Variants in CLCA1 observed in about 807,000 individuals in gnomAD.
CLCA1 encodes calcium-activated chloride channel regulator 1.
CLCA1 carries 59 observed loss-of-function variants against 85.6 expected under a neutral mutation model. That is an observed-to-expected ratio of 0.69 (90% CI 0.56 to 0.86). The LOEUF (loss-of-function observed/expected upper bound fraction) is 0.86, where lower values mean the gene tolerates loss of function less well. Ranked by LOEUF, CLCA1 falls within the 40% of genes least tolerant of loss-of-function variation. The pLI, the probability that CLCA1 is intolerant of heterozygous loss-of-function variation, is 0.00. For missense variants in CLCA1, 1,022 were observed against 1,101.4 expected (o/e 0.93, Z 1.02); for synonymous variants, 396 against 398.3 (o/e 0.99, Z 0.07).
intron 1 of CLCA1, among the ~76,000 whole-genome samples, chr1:86,470,267 G>A (rs951403999): frequency 2.0e-5 from 3 of 152,142 alleles, no homozygotes; most frequent in Non-Finnish European, 4.4e-5. Flanking sequence ...CAGAGTGGAG[G>A]GTGTCACTCA....
intron 3 of CLCA1, among the ~76,000 whole-genome samples, chr1:86,475,075 G>A (rs1434290283): frequency 6.6e-6 from 1 of 151,964 alleles, no homozygotes; most frequent in Non-Finnish European, 1.5e-5. Flanking sequence ...TCCATAACAG[G>A]AACAGAACAT....
chr1:86,492,971 CT>C (rs1172640179), intron 9 of CLCA1, among the ~76,000 whole-genome samples: 1 of 152,072 alleles, frequency 6.6e-6, no homozygotes, highest in Non-Finnish European at 1.5e-5. Flanking sequence ...TTTTTTACAA[CT>C]GGTAAATGAG....
At chr1:86,474,690 T>A (rs577892247) in intron 3 of CLCA1, among the ~76,000 whole-genome samples, 1 of 152,236 alleles carries the variant, frequency 6.6e-6, no homozygotes, top group African/African-American at 2.4e-5. Flanking sequence ...ACAGAATACC[T>A]TTGCAATTCA....
In CLCA1 at chr1:86,494,246, G is replaced by T; in HGVS notation, c.1740G>T (p.Thr580=). Residue 580 remains threonine (T), a synonymous_variant, in exon 11 of 14, where the codon ACG becomes ACT. Coordinates refer to ENST00000394711, the MANE Select transcript of CLCA1 (RefSeq NM_001285.4). ...CACAAACCTTGACCCTGACTGTCAC[G>T]TCCCGTGCGTCCAATGCTACCCTGC... ...ASSQTLTLTV[T]SRASNATLPP... 3 of 1,614,162 alleles carry T rather than the reference G, an allele frequency of 1.9e-6. No homozygotes were observed. Among genetic ancestry groups the T allele is most frequent in the South Asian group, 1.1e-5 (1 of 91,076 alleles).
chr1:86,500,141 G>A lies in CLCA1; in HGVS notation c.*96G>A, dbSNP rs962448852. 5 of 729,080 alleles carry A rather than the reference G, an allele frequency of 6.9e-6. No homozygotes were observed. The highest frequency in any genetic ancestry group is 1.9e-5 in the South Asian group (1 of 51,826). 45.2% of individuals were successfully genotyped at this position (729,080 alleles called of 1,614,324 possible). On this transcript the variant is annotated 3_prime_UTR_variant, in exon 14 of 14. Coordinates refer to ENST00000394711, the MANE Select transcript of CLCA1 (RefSeq NM_001285.4). ...GTATTTTAGACTTCCTGTAGGGGGC[G>A]ATATACTAAATGTATATAGTACATT...
chr1:86,491,317 T>G lies in CLCA1; in HGVS notation c.1410T>G (p.Asp470Glu), dbSNP rs778427622. ...AAGTTCAGAACAATGGCCTCATTGA[T>G]GCTTTTGGGGCCCTTTCATCAGGAA... ...SDQVQNNGLI[D>E]AFGALSSGNG... The change falls in exon 9 of 14, where the codon GAT (aspartate) becomes GAG (glutamate). Residue 470 changes from aspartate to glutamate, a missense_variant. Physicochemically the swap from Asp to Glu is conservative, Grantham distance 45. Coordinates refer to ENST00000394711, the MANE Select transcript of CLCA1 (RefSeq NM_001285.4). 1 of 1,613,804 alleles carries G rather than the reference T, an allele frequency of 6.2e-7. No homozygotes were observed. The highest frequency in any genetic ancestry group is 8.5e-7 in the Non-Finnish European group (1 of 1,179,770).
chr1:86,485,678 T>A, intron 6 of CLCA1, 117 bp downstream of exon 6: 1 of 855,184 alleles, frequency 1.2e-6, no homozygotes, highest in Non-Finnish European at 1.9e-6. Context: ...GTTATAACTG[T>A]AACATTGTCT....
At chr1:86,483,041 T>C (rs1161678198) in intron 5 of CLCA1, among the ~76,000 whole-genome samples, 1 of 152,218 alleles carries the variant, frequency 6.6e-6, no homozygotes, top group African/African-American at 2.4e-5. Flanking sequence ...CAGTCTCATA[T>C]AAAATTACAT....
chr1:86,479,289 G>A (rs1436355277), intron 4 of CLCA1, among the ~76,000 whole-genome samples: 1 of 152,098 alleles, frequency 6.6e-6, no homozygotes, highest in African/African-American at 2.4e-5. Context: ...TATGATAAAA[G>A]TAGAAACAAT....
intron 3 of CLCA1, 100 bp from the exon 4 acceptor site, chr1:86,476,348 A>C: frequency 3.3e-6 from 2 of 608,452 alleles, no homozygotes; most frequent in Non-Finnish European, 6.0e-6. Context: ...AAAAATTAAC[A>C]CAGCAAAGCA....
intron 4 of CLCA1, among the ~76,000 whole-genome samples, chr1:86,476,890 G>T (rs185392779): frequency 2.6e-5 from 4 of 151,850 alleles, no homozygotes; most frequent in Admixed American, 6.6e-5. Flanking sequence ...GAGGCTCTTC[G>T]GTGCCTTCAG....
Position 86,473,837 on chromosome 1 carries a change from T to A in CLCA1, c.412T>A (p.Phe138Ile). 1.9e-6 allele frequency: 3 copies of A among 1,611,586 alleles called. No homozygotes were observed. The highest frequency in any genetic ancestry group is 2.5e-6 in the Non-Finnish European group (3 of 1,178,530). The change falls in exon 3 of 14, where the codon TTC (phenylalanine) becomes ATC (isoleucine). Residue 138 changes from phenylalanine (F) to isoleucine (I), a missense_variant. Physicochemically the swap from Phe to Ile is conservative, Grantham distance 21 (BLOSUM62 0). Transcript: ENST00000394711. ...KGERIHLTPD[F>I]IAGKKLAEYG... is the part of the protein sequence containing the mutation. Reference sequence around the variant, plus strand: ...TGAAAGGATCCACCTCACTCCTGATTTCATTGCAGGAAAAAAGTTAGCTGA... The same window carrying A: ...TGAAAGGATCCACCTCACTCCTGATATCATTGCAGGAAAAAAGTTAGCTGA...
chr1:86,489,286 C>A, intron 8 of CLCA1, 116 bp downstream of exon 8: 2 of 941,930 alleles, frequency 2.1e-6, no homozygotes, highest in Non-Finnish European at 3.1e-6. Flanking sequence ...ACCTAATTGG[C>A]TAACTAGCCA....
intron 6 of CLCA1, among the ~76,000 whole-genome samples, chr1:86,486,017 G>GGAGAGAGA (rs35497869): frequency 0.034 from 5,079 of 147,322 alleles, 95 homozygotes; most frequent in Non-Finnish European, 0.041. Flanking sequence ...CATGGCAGCA[G>GGAGAGAGA]GAGAGAGAGA....
Position 86,489,105 on chromosome 1 carries a change from T to C in CLCA1, c.1292T>C (p.Ile431Thr). The change falls in exon 8 of 14, where the codon ATC becomes ACC. Residue 431 changes from isoleucine to threonine, a missense_variant. Physicochemically the swap from Ile to Thr is moderately conservative, Grantham distance 89. Transcript: ENST00000394711. Reference sequence around the variant, plus strand: ...AACGAGGTCAAACAAAGTGGTGCCATCATCCACACAGTCGCTTTGGGGCCC... The same window carrying C: ...AACGAGGTCAAACAAAGTGGTGCCACCATCCACACAGTCGCTTTGGGGCCC... ...CFNEVKQSGA[I>T]IHTVALGPSA... 6.2e-7 allele frequency: 1 copy of C among 1,614,112 alleles called. No individual in the cohort carries two copies. The highest frequency in any genetic ancestry group is 1.1e-5 in the South Asian group (1 of 91,076).
chr1:86,482,446 A>G, intron 5 of CLCA1, 64 bp downstream of exon 5: 2 of 1,459,318 alleles, frequency 1.4e-6, no homozygotes, highest in African/African-American at 1.4e-5. Flanking sequence ...TTTTACTCCA[A>G]GTGCTCCAAG....
In CLCA1 at chr1:86,481,095, T is replaced by C. The variant is rs1647804498; in HGVS notation, c.558-1110T>C. 2.0e-5 allele frequency among the ~76,000 whole-genome samples: 3 copies of C among 152,184 alleles called. No individual in the cohort carries two copies. The South Asian group carries it at 6.2e-4, about 32-fold the overall frequency. On this transcript the variant is annotated intron_variant, in intron 4 of 13. Coordinates refer to ENST00000394711, the MANE Select transcript of CLCA1 (RefSeq NM_001285.4). ...AACAAGTTAGTCTGAATACATATGA[T>C]AGTATTAAAAGATATAAAATTATTA...
At chr1:86,499,240 T>C (rs189553435) in intron 13 of CLCA1, among the ~76,000 whole-genome samples, 24 of 152,350 alleles carry the variant, frequency 1.6e-4, no homozygotes, top group African/African-American at 4.6e-4. Flanking sequence ...TGAACACTTG[T>C]TAGAAAGTGT....
intron 1 of CLCA1, among the ~76,000 whole-genome samples, chr1:86,470,039 T>C (rs1647458411): frequency 5.9e-5 from 9 of 152,198 alleles, no homozygotes; most frequent in Admixed American, 5.9e-4. Flanking sequence ...TAAAAATGCA[T>C]GCATAGTGCC....
Sources: allele counts gnomAD v4.1 joint callset (sites outside exome capture counted in the v4.1 genomes callset), GRCh38; gene constraint gnomAD v4.1.1; transcripts MANE v1.5; gene names NCBI Gene and HGNC (gene_info 2026-07-23, HGNC 2026-07-21).